The following GSPT1 variants were observed in gnomAD, a reference collection of about 807,000 sequenced individuals.
GSPT1 encodes eukaryotic peptide chain release factor GTP-binding subunit ERF3A.
Under a neutral mutation model 72.5 loss-of-function variants are expected in GSPT1, and 20 were observed. The observed-to-expected ratio is 0.28, with a 90% CI of 0.19 to 0.40. The LOEUF (loss-of-function observed/expected upper bound fraction) is 0.40. GSPT1 is among the 10% of genes least tolerant of loss of function. The probability of loss-of-function intolerance (pLI) is 1.00; values close to 1 mark genes in which losing one functional copy is unlikely to be tolerated. For missense variants in GSPT1, 580 were observed against 811.9 expected (o/e 0.71, Z 3.47); for synonymous variants, 334 against 293.5 (o/e 1.14, Z -1.41).
intron 1 of GSPT1, among the ~76,000 whole-genome samples, chr16:11,900,402 A>C (rs1245987058): frequency 6.6e-6 from 1 of 151,964 alleles, no homozygotes; most frequent in African/African-American, 2.4e-5. Context: ...CCAGACAAGG[A>C]TAAAAGTACT....
At chr16:11,883,575 G>T (rs2054150200) in intron 10 of GSPT1, among the ~76,000 whole-genome samples, 1 of 146,802 alleles carries the variant, frequency 6.8e-6, no homozygotes, top group Admixed American at 6.9e-5. Context: ...AGCCGAGACT[G>T]AACCACTCGA....
chr16:11,885,043 G>A (rs964444095), intron 10 of GSPT1, 138 bp downstream of exon 10: 23 of 534,608 alleles, frequency 4.3e-5, no homozygotes, highest in African/African-American at 4.1e-4. Flanking sequence ...ACTCCAGCCT[G>A]GGGGACAGAG....
chr16:11,903,743 A>T (rs2054447897), intron 1 of GSPT1, among the ~76,000 whole-genome samples: 1 of 152,216 alleles, frequency 6.6e-6, no homozygotes, highest in Non-Finnish European at 1.5e-5. Context: ...TGTACAACAC[A>T]GTGTGAATGT....
intron 10 of GSPT1, 51 bp from the exon 11 acceptor site, chr16:11,883,146 AC>A (rs1218553187): frequency 9.1e-7 from 1 of 1,096,196 alleles, no homozygotes; most frequent in Non-Finnish European, 1.4e-6. Context: ...GTGCTGTATA[AC>A]AGCTCAATAG....
At chr16:11,892,516 A>AGAAATAAT (rs1555504694) in intron 5 of GSPT1, among the ~76,000 whole-genome samples, 1 of 140,820 alleles carries the variant, frequency 7.1e-6, no homozygotes, top group African/African-American at 2.8e-5. Flanking sequence ...CAAAAAAACA[A>AGAAATAAT]AAAAAACAAA....
intron 9 of GSPT1, 124 bp from the exon 10 acceptor site, chr16:11,885,398 A>T: frequency 1.6e-6 from 1 of 618,994 alleles, no homozygotes; most frequent in South Asian, 1.8e-5. Context: ...CCATTCAACC[A>T]CTTTATTATC....
intron 6 of GSPT1, among the ~76,000 whole-genome samples, chr16:11,889,938 G>A (rs2054237253): frequency 6.6e-6 from 1 of 151,338 alleles, no homozygotes. Flanking sequence ...ACCGCGCCTG[G>A]CCCAATAAAA....
At chr16:11,874,914 G>C (rs555262974) in intron 14 of GSPT1, among the ~76,000 whole-genome samples, 25 of 152,260 alleles carry the variant, frequency 1.6e-4, no homozygotes, top group African/African-American at 6.0e-4. Flanking sequence ...CAGCTGGGCC[G>C]GGCACGGTGG....
rs186500540 is a variant in GSPT1, at chr16:11,874,938, T to C, written c.1861+823A>G. ...CGGGCACGGTGGCTCACGCCTGTAATCCCAGCACTTTGGGAGGCCAAGGCG... is the reference window on the plus strand; with the variant it reads ...CGGGCACGGTGGCTCACGCCTGTAACCCCAGCACTTTGGGAGGCCAAGGCG... On this transcript the variant is annotated intron_variant, in intron 14 of 14. Transcript: ENST00000434724. Among the ~76,000 whole-genome samples, 651 of 152,328 alleles carry C rather than the reference T, an allele frequency of 4.3e-3. 5 individuals are homozygous for C. The highest frequency in any genetic ancestry group is 7.3e-3 in the Non-Finnish European group (496 of 68,030).
chr16:11,898,152 C>T (rs946109629), intron 1 of GSPT1, 117 bp from the exon 2 acceptor site: 4 of 668,828 alleles, frequency 6.0e-6, no homozygotes, highest in African/African-American at 5.4e-5. Flanking sequence ...CAATCAATAA[C>T]CCCAGATCAA....
chr16:11,915,550 C>G lies in GSPT1; in HGVS notation c.171G>C (p.Gln57His), dbSNP rs1229268944. The change falls in exon 1 of 15, where the codon CAG becomes CAC. Residue 57 changes from glutamine (Q) to histidine (H), a missense_variant. Transcript: ENST00000434724. ...GGSLAAAAEA[Q>H]RENLSAAFSR... Reference sequence around the variant, plus strand: ...TGAAGGCCGCGCTGAGGTTCTCCCGCTGGGCCTCGGCCGCCGCCGCCAGGG... The same window carrying G: ...TGAAGGCCGCGCTGAGGTTCTCCCGGTGGGCCTCGGCCGCCGCCGCCAGGG... 6.7e-7 allele frequency: 1 copy of G among 1,498,430 alleles called. No homozygotes were observed. 92.8% of individuals were successfully genotyped at this position (1,498,430 alleles called of 1,614,324 possible). A position where few individuals can be genotyped will look rare whatever the true frequency, so the allele number is the denominator to read the frequency against.
At chr16:11,909,723 G>C (rs1003091482) in intron 1 of GSPT1, among the ~76,000 whole-genome samples, 2 of 152,064 alleles carry the variant, frequency 1.3e-5, no homozygotes, top group African/African-American at 4.8e-5. Flanking sequence ...TCAAGAGTTC[G>C]AGACCAGCCT....
chr16:11,912,282 A>C (rs995176848), intron 1 of GSPT1, among the ~76,000 whole-genome samples: 5 of 145,534 alleles, frequency 3.4e-5, no homozygotes, highest in African/African-American at 1.3e-4. Context: ...TGGGAGGAGG[A>C]GGTTGTAGTC....
chr16:11,874,586 G>T lies in GSPT1; in HGVS notation c.1861+1175C>A, dbSNP rs117215647. Among the ~76,000 whole-genome samples, 169 of 150,542 alleles carry T rather than the reference G, an allele frequency of 1.1e-3. 3 individuals carry two copies. The East Asian group carries it at 0.031, about 28-fold the overall frequency. ...TTCCTGATTTTATCAGGTTCTGAGTGGTAAACTAAAACTATCATTTTGTTA... is the reference window on the plus strand; with the variant it reads ...TTCCTGATTTTATCAGGTTCTGAGTTGTAAACTAAAACTATCATTTTGTTA... On this transcript the variant is annotated intron_variant, in intron 14 of 14. Coordinates refer to ENST00000434724, the MANE Select transcript of GSPT1 (RefSeq NM_002094.4).
At chr16:11,915,228 C>T (rs1402427022) in intron 1 of GSPT1, 141 bp downstream of exon 1, 4 of 1,143,734 alleles carry the variant, frequency 3.5e-6, no homozygotes, top group Non-Finnish European at 4.3e-6. Context: ...GGGCTCGGGG[C>T]GCCCCACCCA....
intron 11 of GSPT1, among the ~76,000 whole-genome samples, chr16:11,879,165 G>A (rs2054087891): frequency 6.6e-6 from 1 of 151,572 alleles, no homozygotes; most frequent in South Asian, 2.1e-4. Context: ...GGGAGGCCAA[G>A]GTGGGTGGAT....
chr16:11,915,363 C>G lies in GSPT1; in HGVS notation c.352+6G>C. The G allele has an allele frequency of 6.8e-7, 1 of 1,474,694 alleles. No homozygotes were observed. Among genetic ancestry groups the G allele is most frequent in the African/African-American group, 1.5e-5 (1 of 66,758 alleles). The allele number at this position is 1,474,694 out of a possible 1,614,324, so 91.4% of individuals were successfully genotyped here. On this transcript the variant is annotated splice_donor_region_variant and intron_variant, in intron 1 of 14. Coordinates refer to ENST00000434724, the MANE Select transcript of GSPT1 (RefSeq NM_002094.4). ...CCGGACTTCCTCCCGCGTCCCGGGC[C>G]TTTACCCGCACGGCCTCCCGCGCCG...
intron 5 of GSPT1, among the ~76,000 whole-genome samples, chr16:11,894,155 CAAAAAAAAAAAAAAAAAAAA>C (rs57226427): frequency 1.1e-3 from 46 of 42,676 alleles, no homozygotes; most frequent in Middle Eastern, 0.024. Flanking sequence ...GACCCTATCT[CAAAAAAAAAAAAAAAAAAAA>C]AAAAAAAAAA....
In GSPT1 at chr16:11,886,798, G is replaced by T. The variant is rs577110888; in HGVS notation, c.1091C>A (p.Thr364Lys). Residue 364 changes from threonine (T) to lysine (K), a missense_variant, in exon 8 of 15, where the codon ACA becomes AAA. This residue lies in a region of GSPT1 where 34 missense variants were observed against 62.0 expected (regional missense o/e 0.55). Transcript: ENST00000434724. ...IVLINKMDDP[T>K]VNWSNERYEE... ...TCACCTCTCATTGCTCCAATTTACT[G>T]TTGGATCATCCATCTTATTAATTAG... 6.2e-7 allele frequency: 1 copy of T among 1,613,338 alleles called. No individual in the cohort carries two copies. The highest frequency in any genetic ancestry group is 1.7e-5 in the Admixed American group (1 of 59,982).
Sources: gnomAD v4.1 joint callset for allele counts (sites outside exome capture counted in the v4.1 genomes callset) on GRCh38, gnomAD v4.1.1 for gene constraint, gnomAD v4.1.1 regional missense constraint, MANE v1.5 for transcripts, NCBI Gene and HGNC (gene_info 2026-07-23, HGNC 2026-07-21) for gene names.